P2RY8: variants seen among roughly 807,000 people sequenced by gnomAD.
The protein encoded by P2RY8 is P2Y receptor family member 8, also known as S-geranylgeranyl-glutathione receptor P2RY8.
A neutral mutation model predicts 10.0 loss-of-function variants in P2RY8; 6 were observed. The ratio of observed to expected loss-of-function variants is 0.60; its 90% CI spans 0.33 to 1.19. The LOEUF (loss-of-function observed/expected upper bound fraction) is 1.19, where lower values mean the gene tolerates loss of function less well. P2RY8 is among the 50% of genes most tolerant of loss of function. The probability of loss-of-function intolerance (pLI) is 0.04; values close to 1 mark genes in which losing one functional copy is unlikely to be tolerated. For missense variants in P2RY8, 456 were observed against 542.0 expected, an observed-to-expected ratio of 0.84 and a Z score of 1.58; for synonymous variants, 276 against 252.5, an observed-to-expected ratio of 1.09 and a Z score of -0.88.
chrX:1,474,216 G>A (rs1319736035), intron 1 of P2RY8, among the ~76,000 whole-genome samples: 9 of 151,752 alleles, frequency 5.9e-5, no homozygotes, highest in Admixed American at 2.0e-4. Flanking sequence ...GTGGGTGGAT[G>A]GGAGGGTGAA....
At chrX:1,531,048 ATCTATCTGTCTGTCTGTCTG>A (rs1474859095) in intron 1 of P2RY8, among the ~76,000 whole-genome samples, 1 of 120,004 alleles carries the variant, frequency 8.3e-6, no homozygotes, top group African/African-American at 3.2e-5. Context: ...TATCGATTCT[ATCTATCTGTCTGTCTGTCTG>A]TCTATCTATC....
chrX:1,477,646 C>A (rs1214231863), intron 1 of P2RY8, among the ~76,000 whole-genome samples: 1 of 152,130 alleles, frequency 6.6e-6, no homozygotes, highest in Non-Finnish European at 1.5e-5. Context: ...ATGCGTCTGG[C>A]ATCTGGTGGG....
At chrX:1,474,343 GTGGATGGATGGATGGA>G (rs779596494) in intron 1 of P2RY8, among the ~76,000 whole-genome samples, 1 of 120,948 alleles carries the variant, frequency 8.3e-6, no homozygotes, top group Non-Finnish European at 1.9e-5. Context: ...GTATGGGTGT[GTGGATGGATGGATGGA>G]TGGATGGATG....
chrX:1,474,248 G>A (rs2091845973), intron 1 of P2RY8, among the ~76,000 whole-genome samples: 1 of 151,812 alleles, frequency 6.6e-6, no homozygotes, highest in African/African-American at 2.4e-5. Context: ...GTGGGAGGAT[G>A]GGTGAGTGGA....
At chrX:1,516,458 T>C (rs1208705977) in intron 1 of P2RY8, among the ~76,000 whole-genome samples, 1 of 147,560 alleles carries the variant, frequency 6.8e-6, no homozygotes, top group Admixed American at 6.8e-5. Flanking sequence ...ATGTCTGTCG[T>C]TTCTAAGCCG....
At chrX:1,496,725 T>C (rs1263806529) in intron 1 of P2RY8, among the ~76,000 whole-genome samples, 1 of 149,096 alleles carries the variant, frequency 6.7e-6, no homozygotes, top group African/African-American at 2.5e-5. Context: ...TGAGATGGAG[T>C]CTCACTCTGT....
chrX:1,526,833 G>T (rs763038270), intron 1 of P2RY8, among the ~76,000 whole-genome samples: 1 of 151,856 alleles, frequency 6.6e-6, no homozygotes, highest in East Asian at 1.9e-4. Context: ...ATTTACCCAC[G>T]CATTCATTCA....
rs146330435 is a variant in P2RY8, at chrX:1,476,213, A to C, written c.-24-9631T>G. Among the ~76,000 whole-genome samples the C allele has an allele frequency of 3.5e-3, 538 of 152,198 alleles. 2 individuals carry two copies. Among genetic ancestry groups the C allele is most frequent in the African/African-American group, 0.013 (523 of 41,530 alleles). The stretch of plus-strand genomic sequence containing the variant: ...TGACCAAGTTGTTCAGGATTTTACA[A>C]TGTGGTCTCAGGGTCACTGTTAGTG... On this transcript the variant is annotated intron_variant, in intron 1 of 1. Coordinates refer to ENST00000381297, the MANE Select transcript of P2RY8 (RefSeq NM_178129.5).
chrX:1,482,206 T>TCAA (rs201359664), intron 1 of P2RY8, among the ~76,000 whole-genome samples: 66,225 of 148,060 alleles, frequency 0.45, 15,996 homozygotes, highest in Middle Eastern at 0.6. Flanking sequence ...TGAGGATGTC[T>TCAA]CAACAGCAGC....
At chrX:1,466,666 C>G in intron 1 of P2RY8, 84 bp from the exon 2 acceptor site, 1 of 1,349,672 alleles carries the variant, frequency 7.4e-7, no homozygotes. Context: ...GCGCCGCTCC[C>G]CGGGGACCAA....
intron 1 of P2RY8, among the ~76,000 whole-genome samples, chrX:1,502,800 G>C (rs758731650): frequency 6.6e-6 from 1 of 152,152 alleles, no homozygotes; most frequent in African/African-American, 2.4e-5. Flanking sequence ...AGAGGAGAAG[G>C]CCACGTGGAG....
intron 1 of P2RY8, among the ~76,000 whole-genome samples, chrX:1,478,763 C>A (rs2091904253): frequency 6.6e-6 from 1 of 152,098 alleles, no homozygotes; most frequent in Non-Finnish European, 1.5e-5. Flanking sequence ...CAGGTGTGAG[C>A]CACTGCTCCC....
chrX:1,482,851 C>T (rs1164365644), intron 1 of P2RY8, among the ~76,000 whole-genome samples: 14 of 151,604 alleles, frequency 9.2e-5, no homozygotes, highest in South Asian at 2.1e-4. Context: ...GGACAAAAAA[C>T]CAAACACTGC....
intron 1 of P2RY8, among the ~76,000 whole-genome samples, chrX:1,536,175 G>T (rs1169535911): frequency 6.6e-6 from 1 of 152,114 alleles, no homozygotes; most frequent in African/African-American, 2.4e-5. Context: ...GCAATCTCAG[G>T]CGTAAATGGG....
intron 1 of P2RY8, among the ~76,000 whole-genome samples, chrX:1,505,704 C>T (rs1379758891): frequency 2.6e-5 from 4 of 151,854 alleles, no homozygotes; most frequent in Non-Finnish European, 5.9e-5. Context: ...GCAGGAGAAT[C>T]GCTTGAACCA....
Position 1,466,360 on chromosome X carries a change from C to G in P2RY8, c.199G>C (p.Val67Leu), listed in dbSNP as rs746070473. Residue 67 changes from valine (V) to leucine (L), a missense_variant, in exon 2 of 2, where the codon GTC (valine) becomes CTC (leucine). Physicochemically the swap from Val to Leu is conservative, Grantham distance 32. Coordinates refer to ENST00000381297, the MANE Select transcript of P2RY8 (RefSeq NM_178129.5). ...PSVIFMINLS[V>L]TDLMLASVLP... Reference sequence around the variant, plus strand: ...ACGCTGGCCAGCATCAGGTCCGTGACGCTCAGGTTGATCATGAAGATGACC... The same window carrying G: ...ACGCTGGCCAGCATCAGGTCCGTGAGGCTCAGGTTGATCATGAAGATGACC... The G allele has an allele frequency of 6.3e-5, 102 of 1,613,854 alleles. No homozygotes were observed. Among genetic ancestry groups the G allele is most frequent in the Middle Eastern group, 5.0e-4 (3 of 6,040 alleles).
chrX:1,474,549 T>G (rs2091851467), intron 1 of P2RY8, among the ~76,000 whole-genome samples: 1 of 70,596 alleles, frequency 1.4e-5, no homozygotes, highest in Non-Finnish European at 3.1e-5. Flanking sequence ...AATAGGTGTA[T>G]GGGTGTGTGG....
chrX:1,533,257 A>G (rs1324986872), intron 1 of P2RY8, among the ~76,000 whole-genome samples: 3 of 150,264 alleles, frequency 2.0e-5, no homozygotes, highest in Non-Finnish European at 4.4e-5. Flanking sequence ...AAAACAAACC[A>G]ACAAAAACAC....
chrX:1,523,758 T>C (rs6644607), intron 1 of P2RY8, among the ~76,000 whole-genome samples: 132,495 of 152,210 alleles, frequency 0.87, 57,744 homozygotes, highest in East Asian at 1. Context: ...TCTGTGTTCA[T>C]CACAACTTCC....
Sources: gnomAD v4.1 joint callset for allele counts (sites outside exome capture counted in the v4.1 genomes callset) on GRCh38, gnomAD v4.1.1 for gene constraint, MANE v1.5 for transcripts, NCBI Gene and HGNC (gene_info 2026-07-23, HGNC 2026-07-21) for gene names.